The following DMRT1 variants were observed in gnomAD, a reference collection of about 807,000 sequenced individuals.
DMRT1 encodes the protein doublesex and mab-3 related transcription factor 1, also known as doublesex- and mab-3-related transcription factor 1.
In DMRT1, 7 loss-of-function variants were observed where a neutral mutation model predicts 32.3. The ratio of observed to expected loss-of-function variants is 0.22; its 90% confidence interval spans 0.12 to 0.41. DMRT1 has a LOEUF of 0.41. Ranked by LOEUF, DMRT1 falls within the 10% of genes least tolerant of loss-of-function variation. The pLI is 1.00. For missense variants in DMRT1, 625 were observed against 500.5 expected (o/e 1.25, Z -2.37); for synonymous variants, 278 against 206.1 (o/e 1.35, Z -2.99).
At chr9:873,599 G>A (rs995954887) in intron 2 of DMRT1, among the ~76,000 whole-genome samples, 3 of 152,076 alleles carry the variant, frequency 2.0e-5, no homozygotes, top group South Asian at 2.1e-4. Flanking sequence ...GATTACAGGC[G>A]TGATCCACCG....
chr9:888,205 C>T (rs1262872466), intron 2 of DMRT1, among the ~76,000 whole-genome samples: 1 of 152,138 alleles, frequency 6.6e-6, no homozygotes, highest in Admixed American at 6.5e-5. Flanking sequence ...ATGAAACTCA[C>T]AACCATTTGG....
intron 4 of DMRT1, among the ~76,000 whole-genome samples, chr9:956,719 G>T (rs986312535): frequency 6.6e-6 from 1 of 152,178 alleles, no homozygotes; most frequent in Non-Finnish European, 1.5e-5. Flanking sequence ...ACCAGGGGAA[G>T]AAATAATTAA....
intron 3 of DMRT1, among the ~76,000 whole-genome samples, chr9:902,708 C>G (rs145591701): frequency 6.6e-6 from 1 of 151,890 alleles, no homozygotes; most frequent in Non-Finnish European, 1.5e-5. Flanking sequence ...AGGTTGGTCT[C>G]GAACTCCTCA....
At chr9:949,221 G>A (rs564422114) in intron 4 of DMRT1, among the ~76,000 whole-genome samples, 1 of 152,124 alleles carries the variant, frequency 6.6e-6, no homozygotes, top group East Asian at 1.9e-4. Context: ...AAAACAATTA[G>A]CTGGCATGGT....
intron 4 of DMRT1, among the ~76,000 whole-genome samples, chr9:919,884 T>C (rs1818300932): frequency 6.6e-6 from 1 of 152,198 alleles, no homozygotes; most frequent in Non-Finnish European, 1.5e-5. Flanking sequence ...GGTCTTTGGA[T>C]GGGACAGGAA....
chr9:907,109 C>T (rs959883641), intron 3 of DMRT1, among the ~76,000 whole-genome samples: 3 of 152,150 alleles, frequency 2.0e-5, no homozygotes, highest in African/African-American at 7.2e-5. Context: ...AACCCCCATC[C>T]GTACAAACAC....
At chr9:943,289 A>T (rs1342185436) in intron 4 of DMRT1, among the ~76,000 whole-genome samples, 3 of 152,208 alleles carry the variant, frequency 2.0e-5, no homozygotes, top group Admixed American at 2.0e-4. Flanking sequence ...TCTCTCAATG[A>T]GGTGTTGAAC....
At chr9:869,624 C>G (rs548095348) in intron 2 of DMRT1, among the ~76,000 whole-genome samples, 1 of 152,210 alleles carries the variant, frequency 6.6e-6, no homozygotes, top group African/African-American at 2.4e-5. Flanking sequence ...CTCCTCCCCT[C>G]TCTTGTTCTC....
chr9:921,328 T>G (rs1586620344), intron 4 of DMRT1, among the ~76,000 whole-genome samples: 1 of 152,358 alleles, frequency 6.6e-6, no homozygotes, highest in East Asian at 1.9e-4. Flanking sequence ...TTTCATTCGT[T>G]TTTGTGGCTC....
rs535460571 is a variant in DMRT1, at chr9:914,418, C to CA, written c.823-2339dup. ...TAAAACCCTGTCTCTTCTAAAAATG[C>CA]AAAAAATTAGCCAGGCATGGTGGCG... On this transcript the variant is annotated intron_variant, in intron 3 of 4. Transcript: ENST00000382276. 3.9e-3 allele frequency among the ~76,000 whole-genome samples: 587 copies of CA among 151,560 alleles called. 5 individuals carry two copies. The highest frequency in any genetic ancestry group is 0.014 in the African/African-American group (573 of 41,356).
At chr9:936,275 C>A (rs961728764) in intron 4 of DMRT1, among the ~76,000 whole-genome samples, 2 of 152,088 alleles carry the variant, frequency 1.3e-5, no homozygotes, top group Admixed American at 6.5e-5. Flanking sequence ...CAGAGGTCTG[C>A]CCCTTCTTGG....
intron 2 of DMRT1, among the ~76,000 whole-genome samples, chr9:867,918 A>G (rs533778314): frequency 1.3e-5 from 2 of 152,312 alleles, no homozygotes; most frequent in East Asian, 1.9e-4. Flanking sequence ...AAGTTATACT[A>G]TATGCTTTTA....
chr9:924,440 T>G (rs1000603241), intron 4 of DMRT1, among the ~76,000 whole-genome samples: 1 of 152,172 alleles, frequency 6.6e-6, no homozygotes, highest in Admixed American at 6.5e-5. Flanking sequence ...GTATCTATTT[T>G]TATATATGGA....
At chr9:884,367 G>GC (rs997966376) in intron 2 of DMRT1, among the ~76,000 whole-genome samples, 9 of 84,538 alleles carry the variant, frequency 1.1e-4, no homozygotes, top group Non-Finnish European at 2.5e-4. Flanking sequence ...GCATGTTAGT[G>GC]CAAAAAAAAA....
chr9:846,830 G>C lies in DMRT1; in HGVS notation c.355-130G>C, dbSNP rs1838926107. 4.2e-6 allele frequency: 5 copies of C among 1,180,794 alleles called. No homozygotes were observed. The South Asian group carries it at 5.0e-5, about 12-fold the overall frequency. 73.1% of individuals were successfully genotyped at this position (1,180,794 alleles called of 1,614,324 possible). ...ATAGTTACCTGGGTGGGTTTAAGAA[G>C]AAATGGGAGATTTTCAGACCTCACC... On this transcript the variant is annotated intron_variant, in intron 1 of 4. Coordinates refer to ENST00000382276, the MANE Select transcript of DMRT1 (RefSeq NM_021951.3).
intron 2 of DMRT1, among the ~76,000 whole-genome samples, chr9:870,026 A>T (rs977072845): frequency 5.3e-5 from 8 of 152,166 alleles, no homozygotes; most frequent in Non-Finnish European, 1.0e-4. Flanking sequence ...TGAACGAATA[A>T]GTTTCTTAAG....
Position 899,758 on chromosome 9 carries a change from G to A in DMRT1, c.822+5563G>A, listed in dbSNP as rs150080164. 1.8e-3 allele frequency among the ~76,000 whole-genome samples: 267 copies of A among 152,342 alleles called. 1 individual carries two copies. Among genetic ancestry groups the A allele is most frequent in the African/African-American group, 6.0e-3 (249 of 41,564 alleles). On this transcript the variant is annotated intron_variant, in intron 3 of 4. Coordinates refer to ENST00000382276, the MANE Select transcript of DMRT1 (RefSeq NM_021951.3). Reference sequence around the variant, plus strand: ...AACATGTTGTACCAGGTTGACAAGGGAGAGGTGCGTATCGAGTGAGCAGAA... The same window carrying A: ...AACATGTTGTACCAGGTTGACAAGGAAGAGGTGCGTATCGAGTGAGCAGAA...
chr9:926,092 G>C (rs1586626492), intron 4 of DMRT1, among the ~76,000 whole-genome samples: 1 of 152,180 alleles, frequency 6.6e-6, no homozygotes, highest in Non-Finnish European at 1.5e-5. Flanking sequence ...CCCCCATCTG[G>C]GGTTGTGGTT....
chr9:880,345 G>A (rs1816681407), intron 2 of DMRT1, among the ~76,000 whole-genome samples: 1 of 152,066 alleles, frequency 6.6e-6, no homozygotes, highest in Non-Finnish European at 1.5e-5. Flanking sequence ...CTTCATCAAG[G>A]GTGTCTTTAG....
Sources: allele counts gnomAD v4.1 joint callset (sites outside exome capture counted in the v4.1 genomes callset), GRCh38; gene constraint gnomAD v4.1.1; transcripts MANE v1.5; gene names NCBI Gene and HGNC (gene_info 2026-07-23, HGNC 2026-07-21).